Variants in NRDC observed in about 807,000 individuals in gnomAD.
The protein encoded by NRDC is nardilysin.
NRDC carries 54 observed loss-of-function variants against 147.1 expected under a neutral mutation model. The observed-to-expected ratio is 0.37, with a 90% CI of 0.29 to 0.46. The LOEUF is 0.46. Ranked by LOEUF, NRDC falls within the 20% of genes least tolerant of loss-of-function variation. NRDC has a pLI of 1.00. For synonymous variants in NRDC, 440 were observed against 482.1 expected (o/e 0.91, Z 1.14); for missense variants, 1,082 against 1,370.6 (o/e 0.79, Z 3.33).
chr1:51,803,946 G>T lies in NRDC; in HGVS notation c.2181C>A (p.Ile727=). 1 of 1,604,980 alleles carries T rather than the reference G, an allele frequency of 6.2e-7. No individual in the cohort carries two copies. The highest frequency in any genetic ancestry group is 8.5e-7 in the Non-Finnish European group (1 of 1,175,934). Residue 727 remains isoleucine (I), a synonymous_variant, in exon 20 of 31, where the codon ATC becomes ATA. Coordinates refer to ENST00000352171, the MANE Select transcript of NRDC (RefSeq NM_001101662.2). ...KSAANVVLFD[I]FVNILTHNLA... is the part of the protein sequence containing the mutation. ...GGTTATGCGTAAGGATATTGACAAA[G>T]ATATCAAAGAGGACCACACTAAGAA... is the stretch of plus-strand genomic sequence containing the variant.
chr1:51,857,300 T>A (rs556430044), intron 1 of NRDC, among the ~76,000 whole-genome samples: 2 of 152,218 alleles, frequency 1.3e-5, no homozygotes, highest in South Asian at 4.1e-4. Context: ...CTGTAACAAA[T>A]CTGGCTGTTT....
chr1:51,857,384 C>A (rs916319006), intron 1 of NRDC, among the ~76,000 whole-genome samples: 1 of 152,164 alleles, frequency 6.6e-6, no homozygotes, highest in Non-Finnish European at 1.5e-5. Flanking sequence ...GGGACTGCAC[C>A]AGAGCCTCTC....
intron 22 of NRDC, among the ~76,000 whole-genome samples, chr1:51,797,289 A>G (rs1678974169): frequency 6.6e-6 from 1 of 152,142 alleles, no homozygotes; most frequent in Admixed American, 6.5e-5. Context: ...TCATCTTGCA[A>G]AACCAAAATT....
chr1:51,799,454 A>T (rs1220948693), intron 21 of NRDC, among the ~76,000 whole-genome samples: 2 of 152,116 alleles, frequency 1.3e-5, no homozygotes, highest in Non-Finnish European at 1.5e-5. Context: ...TGTGATCAGA[A>T]TATCAGTTAT....
At chr1:51,833,473 C>T (rs1480454157) in intron 4 of NRDC, among the ~76,000 whole-genome samples, 1 of 147,784 alleles carries the variant, frequency 6.8e-6, no homozygotes, top group Non-Finnish European at 1.5e-5. Context: ...AATGAGTCAA[C>T]AGAGAATACA....
intron 1 of NRDC, among the ~76,000 whole-genome samples, chr1:51,876,129 T>C (rs573819059): frequency 6.7e-6 from 1 of 149,318 alleles, no homozygotes; most frequent in Non-Finnish European, 1.5e-5. Context: ...CAGTGTAGAT[T>C]CCATAAATAT....
intron 1 of NRDC, among the ~76,000 whole-genome samples, chr1:51,858,930 C>A (rs1682394553): frequency 6.6e-6 from 1 of 152,154 alleles, no homozygotes; most frequent in South Asian, 2.1e-4. Flanking sequence ...TGTAACAAGT[C>A]AAACCTTTGT....
intron 1 of NRDC, among the ~76,000 whole-genome samples, chr1:51,863,037 A>AAG (rs1682629079): frequency 1.3e-5 from 2 of 149,852 alleles, no homozygotes; most frequent in East Asian, 3.9e-4. Flanking sequence ...AAAAAAAAAA[A>AAG]ACAAGCAATA....
chr1:51,875,524 C>T (rs1040511270), intron 1 of NRDC, among the ~76,000 whole-genome samples: 7 of 152,138 alleles, frequency 4.6e-5, no homozygotes, highest in African/African-American at 1.7e-4. Context: ...TAGGACATAC[C>T]TCCGTTATGG....
intron 9 of NRDC, 70 bp downstream of exon 9, chr1:51,819,730 C>A: frequency 1.6e-6 from 2 of 1,215,572 alleles, no homozygotes; most frequent in South Asian, 1.4e-5. Flanking sequence ...TGAAAATTGG[C>A]AGCTTCAATT....
intron 22 of NRDC, among the ~76,000 whole-genome samples, chr1:51,796,278 A>G (rs1678903861): frequency 6.7e-6 from 1 of 148,558 alleles, no homozygotes. Context: ...TCACTCTGTC[A>G]CCCAGGCTGG....
intron 1 of NRDC, among the ~76,000 whole-genome samples, chr1:51,850,700 C>T (rs1161576682): frequency 1.3e-5 from 2 of 152,166 alleles, no homozygotes; most frequent in African/African-American, 4.8e-5. Flanking sequence ...CCTGAACTCC[C>T]AGCAAAAGGA....
At chr1:51,796,244 CT>C (rs571646295) in intron 22 of NRDC, among the ~76,000 whole-genome samples, 99 of 144,860 alleles carry the variant, frequency 6.8e-4, no homozygotes, top group South Asian at 1.7e-3. Context: ...ACTCCCAACT[CT>C]TTTTTTTTTT....
chr1:51,789,888 T>C, intron 29 of NRDC: 1 of 545,652 alleles, frequency 1.8e-6, no homozygotes, highest in Admixed American at 3.1e-5. Context: ...GCAGATGCTA[T>C]AATTACAGCT....
At chr1:51,862,582 G>T (rs575397864) in intron 1 of NRDC, among the ~76,000 whole-genome samples, 10 of 151,756 alleles carry the variant, frequency 6.6e-5, no homozygotes, top group African/African-American at 2.4e-4. Context: ...AAATTAGCCC[G>T]AGGTGGTAAC....
intron 1 of NRDC, among the ~76,000 whole-genome samples, chr1:51,848,257 C>T (rs1157193333): frequency 6.6e-6 from 1 of 152,192 alleles, no homozygotes; most frequent in Non-Finnish European, 1.5e-5. Flanking sequence ...GGGCGGATCA[C>T]AAGGTCAGAA....
At chr1:51,848,673 A>C (rs1344357116) in intron 1 of NRDC, among the ~76,000 whole-genome samples, 2 of 152,204 alleles carry the variant, frequency 1.3e-5, no homozygotes, top group Non-Finnish European at 1.5e-5. Flanking sequence ...TATACATCAA[A>C]GTAAGATTTT....
At position 51,874,266 on chromosome 1, in the gene NRDC, C is replaced by G. The variant is rs7556552; in HGVS notation, c.341+4009G>C. On this transcript the variant is annotated intron_variant, in intron 1 of 30. Transcript: ENST00000352171. ...GTGCTCTGTACTTGTTTTAGTCAAT[C>G]CAAAATACCTAACGTTAAGTGTTCT... 7.9e-3 allele frequency among the ~76,000 whole-genome samples: 1,208 copies of G among 152,014 alleles called. 17 individuals carry two copies. Among genetic ancestry groups the G allele is most frequent in the African/African-American group, 0.028 (1,156 of 41,454 alleles).
At chr1:51,827,898 G>A (rs2077725) in intron 4 of NRDC, 29 bp from the exon 5 acceptor site, 978,381 of 1,594,744 alleles carry the variant, frequency 0.61, 305,804 homozygotes, top group East Asian at 0.94. Flanking sequence ...TGGCATTTCC[G>A]TTTTTGTTCA....
Sources: gnomAD v4.1 joint callset for allele counts (sites outside exome capture counted in the v4.1 genomes callset) on GRCh38, gnomAD v4.1.1 for gene constraint, MANE v1.5 for transcripts, NCBI Gene and HGNC (gene_info 2026-07-23, HGNC 2026-07-21) for gene names.